FAM131B: variants seen among roughly 807,000 people sequenced by gnomAD.
The protein encoded by FAM131B is protein FAM131B.
Under a neutral mutation model 42.0 loss-of-function variants are expected in FAM131B, and 19 were observed. That is an observed-to-expected ratio of 0.45 (90% confidence interval 0.32 to 0.66). FAM131B has a LOEUF of 0.66. Ranked by LOEUF, FAM131B falls within the 30% of genes least tolerant of loss-of-function variation. The probability of loss-of-function intolerance (pLI) is 0.05; values close to 1 mark genes in which losing one functional copy is unlikely to be tolerated. For missense variants in FAM131B, 370 were observed against 468.4 expected (o/e 0.79, Z 1.94); for synonymous variants, 183 against 177.6 (o/e 1.03, Z -0.24).
upstream of FAM131B, among the ~76,000 whole-genome samples, chr7:143,363,627 T>C (rs1804099220): frequency 6.6e-6 from 1 of 151,402 alleles, no homozygotes; most frequent in Non-Finnish European, 1.5e-5. Flanking sequence ...ATGAGCACTG[T>C]GGTTACAGCA....
chr7:143,381,854 T>A, the FAM131B span: 3 of 1,382,800 alleles, frequency 2.2e-6, no homozygotes, highest in African/African-American at 4.4e-5. Context: ...AATTTGGGGA[T>A]GTCTGGAAAG....
At chr7:143,380,454 T>A in the FAM131B span, 4 of 984,266 alleles carry the variant, frequency 4.1e-6, no homozygotes, top group Non-Finnish European at 4.8e-6. The surrounding 1 kb of genome is among the most constrained non-coding windows in gnomAD (Gnocchi z 5.0). Context: ...CCAAGAGGAG[T>A]GGGTCGTGGT....
the FAM131B span, chr7:143,381,151 G>T: frequency 1.0e-6 from 1 of 978,092 alleles, no homozygotes; most frequent in African/African-American, 1.8e-5. Flanking sequence ...GGAGCCTCCG[G>T]CCTGAGGCAG....
the FAM131B span, chr7:143,380,440 G>A: frequency 2.0e-6 from 2 of 985,254 alleles, no homozygotes; most frequent in Non-Finnish European, 1.2e-6. The surrounding 1 kb of genome is among the most constrained non-coding windows in gnomAD (Gnocchi z 5.0). Context: ...GTCGCCCGGG[G>A]TCTCCAAGAG....
chr7:143,380,265 C>T, the FAM131B span: 3 of 984,364 alleles, frequency 3.0e-6, no homozygotes, highest in Non-Finnish European at 3.6e-6. The surrounding 1 kb of genome is among the most constrained non-coding windows in gnomAD (Gnocchi z 5.0). Context: ...AGAAGAATTA[C>T]CCAGGTCTGG....
chr7:143,368,529 G>A, the FAM131B span, among the ~76,000 whole-genome samples: 1 of 152,184 alleles, frequency 6.6e-6, no homozygotes, highest in South Asian at 2.1e-4. Flanking sequence ...TCACACCTCT[G>A]AAGCCTCCCT....
chr7:143,376,310 G>C, the FAM131B span, among the ~76,000 whole-genome samples: 3 of 152,072 alleles, frequency 2.0e-5, no homozygotes, highest in African/African-American at 7.2e-5. Context: ...ATCTACTTAA[G>C]TATTTTCCCC....
chr7:143,381,568 G>A, the FAM131B span: 2 of 1,609,362 alleles, frequency 1.2e-6, no homozygotes, highest in South Asian at 2.2e-5. Flanking sequence ...AGCCCGGCCC[G>A]GCCATGGCGG....
the FAM131B span, among the ~76,000 whole-genome samples, chr7:143,375,976 G>A: frequency 6.6e-6 from 1 of 152,196 alleles, no homozygotes; most frequent in East Asian, 1.9e-4. Context: ...CATCTGCCTC[G>A]CTCTGCCCCT....
upstream of FAM131B, among the ~76,000 whole-genome samples, chr7:143,367,087 C>T (rs568110251): frequency 2.0e-5 from 3 of 152,272 alleles, no homozygotes; most frequent in South Asian, 6.2e-4. Flanking sequence ...TATAGTTCTC[C>T]CCCGACCCCT....
In FAM131B at chr7:143,359,206, G is replaced by T; in HGVS notation, c.268+120C>A. ...GGAGGATGGGAGGCTTGACAGAAGG[G>T]TGAATAGGTCAGGGGGTGGGGATGA... On this transcript the variant is annotated intron_variant, in intron 4 of 6. Transcript: ENST00000443739. The surrounding 1 kb of genome is among the most constrained non-coding windows in gnomAD (Gnocchi z 5.4). 9.9e-7 allele frequency: 1 copy of T among 1,012,272 alleles called. No individual in the cohort carries two copies. 62.7% of individuals were successfully genotyped at this position (1,012,272 alleles called of 1,614,324 possible).
Position 143,362,558 on chromosome 7 carries a change from C to T in FAM131B, c.28+18G>A. 1 of 1,216,476 alleles carries T rather than the reference C, an allele frequency of 8.2e-7. No homozygotes were observed. The highest frequency in any genetic ancestry group is 1.0e-6 in the Non-Finnish European group (1 of 975,926). 75.4% of individuals were successfully genotyped at this position (1,216,476 alleles called of 1,614,324 possible). ...CCCGGGGGGCCCAGCCCTGCCCCCG[C>T]CCGGCCGCGGTACCCACCCACAGTC... On this transcript the variant is annotated intron_variant, in intron 1 of 6. Transcript: ENST00000443739. The surrounding 1 kb of genome is among the most constrained non-coding windows in gnomAD (Gnocchi z 7.7).
Position 143,359,444 on chromosome 7 carries a change from G to C in FAM131B, c.175-25C>G. Reference sequence around the variant, plus strand: ...GCTGGGATGGGAATGTGGGAGGAAGGGCAGAGGAATAAGAAGGTACGGGCG... The same window carrying C: ...GCTGGGATGGGAATGTGGGAGGAAGCGCAGAGGAATAAGAAGGTACGGGCG... On this transcript the variant is annotated intron_variant, in intron 3 of 6. Coordinates refer to ENST00000443739, the MANE Select transcript of FAM131B (RefSeq NM_001031690.3). This position sits in a 1 kb window ranked among gnomAD's most constrained non-coding sequence, Gnocchi z 5.4. 1.3e-6 allele frequency: 2 copies of C among 1,566,114 alleles called. No individual in the cohort carries two copies. Among genetic ancestry groups the C allele is most frequent in the Non-Finnish European group, 1.8e-6 (2 of 1,137,380 alleles).
Position 143,362,701 on chromosome 7 carries a change from C to T in FAM131B, c.-98G>A. 1.8e-6 allele frequency: 1 copy of T among 556,024 alleles called. No homozygotes were observed. The highest frequency in any genetic ancestry group is 2.5e-6 in the Non-Finnish European group (1 of 394,842). 34.4% of individuals were successfully genotyped at this position (556,024 alleles called of 1,614,324 possible). ...CGCCGCCCCAGCCGCTCTGCAGCGCCGCGGCTGTCTCCGCTCGGCTCCGCT... is the reference window on the plus strand; with the variant it reads ...CGCCGCCCCAGCCGCTCTGCAGCGCTGCGGCTGTCTCCGCTCGGCTCCGCT... On this transcript the variant is annotated 5_prime_UTR_variant, in exon 1 of 7. Transcript: ENST00000443739. The surrounding 1 kb of genome is among the most constrained non-coding windows in gnomAD (Gnocchi z 7.7).
chr7:143,364,005 G>T (rs937835651), upstream of FAM131B: 14 of 152,206 alleles, frequency 9.2e-5, no homozygotes, highest in African/African-American at 3.1e-4. Flanking sequence ...TATGGTGACA[G>T]AATCCATCTT....
upstream of FAM131B, chr7:143,364,337 C>A (rs1804129168): frequency 6.6e-6 from 1 of 151,194 alleles, no homozygotes; most frequent in African/African-American, 2.4e-5. Flanking sequence ...GCAATGCCCA[C>A]ACACCCCTAT....
chr7:143,374,761 A>C, the FAM131B span, among the ~76,000 whole-genome samples: 12 of 152,116 alleles, frequency 7.9e-5, no homozygotes, highest in Non-Finnish European at 1.8e-4. Flanking sequence ...AGGGCTTTGC[A>C]AACACTTCTC....
At chr7:143,364,052 T>G (rs1804118563), upstream of FAM131B, 1 of 152,144 alleles carries the variant, frequency 6.6e-6, no homozygotes, top group Non-Finnish European at 1.5e-5. Flanking sequence ...CAAATCTACA[T>G]CTATAAAACC....
the FAM131B span, chr7:143,381,819 CGGGGTG>C: frequency 6.7e-7 from 1 of 1,488,248 alleles, no homozygotes; most frequent in South Asian, 1.3e-5. Context: ...CGGCAGGAGC[CGGGGTG>C]GGGGGCAGTC....
Sources: allele counts gnomAD v4.1 joint callset (sites outside exome capture counted in the v4.1 genomes callset), GRCh38; gene constraint gnomAD v4.1.1; non-coding constraint Gnocchi (gnomAD v3.1); transcripts MANE v1.5; gene names NCBI Gene and HGNC (gene_info 2026-07-23, HGNC 2026-07-21).